Variants in AGBL1 observed in about 807,000 individuals in gnomAD.
The protein encoded by AGBL1 is cytosolic carboxypeptidase 4.
AGBL1 carries 130 observed loss-of-function variants against 118.9 expected under a neutral mutation model. That is an observed-to-expected ratio of 1.09 (90% CI 0.95 to 1.26). AGBL1 has a LOEUF of 1.26. AGBL1 is among the 50% of genes most tolerant of loss of function. The pLI, the probability that AGBL1 is intolerant of heterozygous loss-of-function variation, is 0.00. For missense variants in AGBL1, 1,584 were observed against 1,298.1 expected (o/e 1.22, Z -3.38); for synonymous variants, 555 against 478.9 (o/e 1.16, Z -2.08).
chr15:86,608,896 G>T (rs963082355), intron 21 of AGBL1, among the ~76,000 whole-genome samples: 3 of 152,150 alleles, frequency 2.0e-5, no homozygotes, highest in African/African-American at 7.2e-5. Flanking sequence ...CTATCACAGG[G>T]CTTCCAAGTT....
intron 21 of AGBL1, among the ~76,000 whole-genome samples, chr15:86,654,762 T>C (rs1215338991): frequency 6.6e-6 from 1 of 152,074 alleles, no homozygotes; most frequent in Non-Finnish European, 1.5e-5. Context: ...TGGTAAACCT[T>C]TTCTGATGAT....
intron 18 of AGBL1, among the ~76,000 whole-genome samples, chr15:86,409,346 C>T (rs1316622257): frequency 6.6e-6 from 1 of 152,250 alleles, no homozygotes; most frequent in East Asian, 1.9e-4. Flanking sequence ...AAATTATTTG[C>T]TCTGGGAACT....
At chr15:86,700,311 A>G (rs1038215558) in intron 22 of AGBL1, among the ~76,000 whole-genome samples, 10 of 151,752 alleles carry the variant, frequency 6.6e-5, no homozygotes, top group African/African-American at 2.4e-4. Context: ...GCAAGTCTTT[A>G]TTTTCTGGCA....
At chr15:86,712,524 C>T (rs777093503) in intron 22 of AGBL1, among the ~76,000 whole-genome samples, 2 of 152,008 alleles carry the variant, frequency 1.3e-5, no homozygotes, top group African/African-American at 2.4e-5. Context: ...AGAAATAATG[C>T]CCAGGCTAAG....
chr15:86,253,084 T>A (rs2142004796), intron 7 of AGBL1, among the ~76,000 whole-genome samples: 1 of 151,582 alleles, frequency 6.6e-6, no homozygotes, highest in African/African-American at 2.4e-5. Flanking sequence ...GACCCTCAGG[T>A]GGGGGAGTAG....
chr15:86,241,549 G>A (rs575516820), intron 6 of AGBL1, among the ~76,000 whole-genome samples: 1 of 152,124 alleles, frequency 6.6e-6, no homozygotes, highest in Non-Finnish European at 1.5e-5. Flanking sequence ...AGGCTGGGAA[G>A]TCCAAGATCA....
intron 23 of AGBL1, among the ~76,000 whole-genome samples, chr15:86,937,206 A>T (rs934218705): frequency 3.9e-5 from 6 of 152,246 alleles, no homozygotes; most frequent in African/African-American, 1.2e-4. Flanking sequence ...TGTTAGTGGG[A>T]GTGTAAATTA....
At chr15:86,889,818 C>G (rs2080025281) in intron 22 of AGBL1, among the ~76,000 whole-genome samples, 1 of 152,190 alleles carries the variant, frequency 6.6e-6, no homozygotes, top group African/African-American at 2.4e-5. Context: ...AGGTTGATTG[C>G]ATGACTTTGC....
At chr15:86,937,853 C>A (rs1407525254) in intron 23 of AGBL1, among the ~76,000 whole-genome samples, 1 of 152,208 alleles carries the variant, frequency 6.6e-6, no homozygotes, top group Non-Finnish European at 1.5e-5. Context: ...ATGCTATGTA[C>A]TACCCTGTTG....
intron 22 of AGBL1, among the ~76,000 whole-genome samples, chr15:86,828,049 C>T (rs1191442933): frequency 1.4e-5 from 2 of 146,316 alleles, no homozygotes; most frequent in Non-Finnish European, 3.0e-5. Flanking sequence ...AAGAATTCCT[C>T]CTGCTTCAGC....
chr15:86,290,796 C>T (rs1001974897), intron 16 of AGBL1, among the ~76,000 whole-genome samples: 10 of 151,914 alleles, frequency 6.6e-5, no homozygotes, highest in African/African-American at 2.2e-4. Context: ...CCCATTAACT[C>T]GTCATTTAGC....
chr15:86,156,386 C>A (rs62012456), intron 4 of AGBL1, among the ~76,000 whole-genome samples: 19,746 of 152,136 alleles, frequency 0.13, 1,630 homozygotes, highest in East Asian at 0.25. Flanking sequence ...TGTCCAAATT[C>A]TCCCTTCTTA....
chr15:86,263,339 A>G (rs2142030994), intron 10 of AGBL1, among the ~76,000 whole-genome samples: 1 of 152,346 alleles, frequency 6.6e-6, no homozygotes, highest in Admixed American at 6.5e-5. Flanking sequence ...GCCACACCAT[A>G]TAGCCTAGGT....
At position 87,012,425 on chromosome 15, in the gene AGBL1, A is replaced by G. The variant is rs1020509985; in HGVS notation, c.3324-16400A>G. ...AAATGTATTTAACCTCAATTACTGAATATATGGTTCGAATATATGGTTCAG... is the reference window on the plus strand; with the variant it reads ...AAATGTATTTAACCTCAATTACTGAGTATATGGTTCGAATATATGGTTCAG... On this transcript the variant is annotated intron_variant, in intron 24 of 24. Coordinates refer to the AGBL1 transcript ENST00000441037. Among the ~76,000 whole-genome samples the G allele has an allele frequency of 6.6e-5, 10 of 152,164 alleles. 1 individual carries two copies. Among genetic ancestry groups the G allele is most frequent in the East Asian group, 3.9e-4 (2 of 5,194 alleles).
intron 22 of AGBL1, among the ~76,000 whole-genome samples, chr15:86,826,961 G>C (rs1466745031): frequency 6.6e-6 from 1 of 151,850 alleles, no homozygotes; most frequent in Non-Finnish European, 1.5e-5. Context: ...TCAACCTGTA[G>C]AAGTTTGTAG....
chr15:86,430,506 A>T (rs1466086455), intron 18 of AGBL1, among the ~76,000 whole-genome samples: 1 of 150,836 alleles, frequency 6.6e-6, no homozygotes, highest in African/African-American at 2.4e-5. Flanking sequence ...AAAAAAAAAA[A>T]TGTGTGTGTG....
intron 1 of AGBL1, among the ~76,000 whole-genome samples, chr15:86,105,916 T>C (rs1046637980): frequency 3.3e-5 from 5 of 152,240 alleles, no homozygotes; most frequent in African/African-American, 1.2e-4. Flanking sequence ...TTACATGGAA[T>C]ATCTGGAATT....
intron 22 of AGBL1, among the ~76,000 whole-genome samples, chr15:86,692,814 C>T (rs1247542219): frequency 1.3e-5 from 2 of 152,120 alleles, no homozygotes; most frequent in African/African-American, 4.8e-5. Context: ...TATGCCTTTG[C>T]ATCTTCATAG....
intron 6 of AGBL1, among the ~76,000 whole-genome samples, chr15:86,232,057 G>A (rs2078464787): frequency 6.6e-6 from 1 of 152,182 alleles, no homozygotes; most frequent in Non-Finnish European, 1.5e-5. Context: ...ATGGTGGGGT[G>A]AGAGAGAGGA....
Sources: allele counts gnomAD v4.1 joint callset (sites outside exome capture counted in the v4.1 genomes callset), GRCh38; gene constraint gnomAD v4.1.1; transcripts MANE v1.5; gene names NCBI Gene and HGNC (gene_info 2026-07-23, HGNC 2026-07-21).